Variants in MCTP1 observed in about 807,000 individuals in gnomAD.
The protein encoded by MCTP1 is multiple C2 and transmembrane domain containing 1, also known as multiple C2 and transmembrane domain-containing protein 1.
MCTP1 carries 69 observed loss-of-function variants against 120.6 expected under a neutral mutation model. The observed-to-expected ratio is 0.57, with a 90% confidence interval of 0.47 to 0.70. MCTP1 has a LOEUF of 0.70. Among genes scored for constraint, MCTP1 ranks in the 30% least tolerant of loss-of-function variants. The pLI is 0.00. For missense variants in MCTP1, 1,203 were observed against 1,248.8 expected (o/e 0.96, Z 0.55); for synonymous variants, 529 against 493.1 (o/e 1.07, Z -0.96).
chr5:95,073,092 A>G (rs1752663747), intron 1 of MCTP1, among the ~76,000 whole-genome samples: 1 of 152,132 alleles, frequency 6.6e-6, no homozygotes, highest in South Asian at 2.1e-4. Flanking sequence ...GCTCCTTGTT[A>G]CAGCTCATCA....
intron 11 of MCTP1, among the ~76,000 whole-genome samples, chr5:94,889,681 C>T (rs1442953188): frequency 6.6e-6 from 1 of 151,720 alleles, no homozygotes; most frequent in Non-Finnish European, 1.5e-5. Context: ...GTTGATGCTG[C>T]ATAAGGGGTT....
intron 1 of MCTP1, among the ~76,000 whole-genome samples, chr5:95,075,116 A>G (rs1295699252): frequency 1.3e-5 from 2 of 152,264 alleles, no homozygotes; most frequent in Non-Finnish European, 2.9e-5. Flanking sequence ...CTATTCAGGT[A>G]AAGAAAGAGA....
intron 12 of MCTP1, among the ~76,000 whole-genome samples, chr5:94,875,456 A>G (rs1363880231): frequency 6.6e-6 from 1 of 151,914 alleles, no homozygotes; most frequent in Non-Finnish European, 1.5e-5. Context: ...CTCTGAAAAA[A>G]CTTGGCTTTA....
intron 1 of MCTP1, among the ~76,000 whole-genome samples, chr5:95,098,677 G>A (rs949033133): frequency 1.1e-4 from 16 of 148,976 alleles, no homozygotes; most frequent in Non-Finnish European, 2.2e-4. Context: ...AATCAATATC[G>A]TGAAAATGGC....
At chr5:95,129,194 C>T (rs986477863) in intron 1 of MCTP1, among the ~76,000 whole-genome samples, 1 of 152,208 alleles carries the variant, frequency 6.6e-6, no homozygotes, top group Non-Finnish European at 1.5e-5. Context: ...AGCTCAAGAA[C>T]ATCTCACAGA....
intron 2 of MCTP1, among the ~76,000 whole-genome samples, chr5:95,005,587 T>G (rs756524223): frequency 6.6e-6 from 1 of 151,996 alleles, no homozygotes; most frequent in Non-Finnish European, 1.5e-5. Context: ...TCTCAAGAGA[T>G]CTAGTTGTTT....
At chr5:94,789,437 C>T (rs1310098771) in intron 18 of MCTP1, 1 of 152,230 alleles carries the variant, frequency 6.6e-6, no homozygotes, top group Non-Finnish European at 1.5e-5. Flanking sequence ...TGGTAATACT[C>T]ATCTTCCACC....
chr5:95,280,652 T>C (rs1381849017), intron 1 of MCTP1, among the ~76,000 whole-genome samples: 2 of 148,204 alleles, frequency 1.3e-5, no homozygotes, highest in Admixed American at 6.6e-5. Context: ...AAAGGGATAT[T>C]TTTTTTTCCT....
At chr5:95,277,736 G>C (rs1759967919) in intron 1 of MCTP1, among the ~76,000 whole-genome samples, 1 of 152,150 alleles carries the variant, frequency 6.6e-6, no homozygotes, top group Admixed American at 6.5e-5. Flanking sequence ...AGTGGGATTA[G>C]GAGGATACAA....
chr5:95,136,210 T>C (rs1759433630), intron 1 of MCTP1, among the ~76,000 whole-genome samples: 1 of 152,212 alleles, frequency 6.6e-6, no homozygotes, highest in African/African-American at 2.4e-5. Context: ...GAAGACCCAA[T>C]GAAATATCAC....
At chr5:95,209,025 A>G (rs1752012502) in intron 1 of MCTP1, among the ~76,000 whole-genome samples, 1 of 152,168 alleles carries the variant, frequency 6.6e-6, no homozygotes, top group African/African-American at 2.4e-5. Flanking sequence ...GTATGAAGAC[A>G]CAACATAAAC....
intron 3 of MCTP1, among the ~76,000 whole-genome samples, chr5:94,942,907 T>C (rs1222458907): frequency 2.6e-5 from 4 of 152,136 alleles, no homozygotes; most frequent in Admixed American, 2.0e-4. Flanking sequence ...TAAGGTTAAG[T>C]TAAAATAAAG....
intron 19 of MCTP1, among the ~76,000 whole-genome samples, chr5:94,726,456 G>C (rs889006852): frequency 1.3e-5 from 2 of 152,170 alleles, no homozygotes; most frequent in African/African-American, 4.8e-5. Flanking sequence ...AATAGCACAA[G>C]TTCTGTTGCT....
At chr5:95,058,204 T>A (rs1747940591) in intron 1 of MCTP1, among the ~76,000 whole-genome samples, 1 of 152,262 alleles carries the variant, frequency 6.6e-6, no homozygotes. Context: ...AAATTATTTA[T>A]GATTGATTCT....
rs865915982 is a variant in MCTP1 at position 94,811,463 on chromosome 5, G to C, written c.2437-12331C>G. On this transcript the variant is annotated intron_variant, in intron 17 of 22. Coordinates refer to ENST00000515393, the MANE Select transcript of MCTP1 (RefSeq NM_024717.7). ...AAACAGCCTGACTTTTACAGTAAAA[G>C]GAAAGGCCCTGGGCCAAGACCACTG... 3.9e-5 allele frequency among the ~76,000 whole-genome samples: 6 copies of C among 152,286 alleles called. 1 individual carries two copies. The highest frequency in any genetic ancestry group is 3.4e-3 in the Middle Eastern group (1 of 294).
intron 19 of MCTP1, among the ~76,000 whole-genome samples, chr5:94,742,806 A>AAT (rs1293917031): frequency 6.6e-6 from 1 of 152,192 alleles, no homozygotes; most frequent in Non-Finnish European, 1.5e-5. Flanking sequence ...AAGAAATTTC[A>AAT]ATATATATCT....
At chr5:94,913,084 C>T in intron 8 of MCTP1, 108 bp from the exon 9 acceptor site, 1 of 584,262 alleles carries the variant, frequency 1.7e-6, no homozygotes, top group Non-Finnish European at 2.8e-6. Context: ...AAAGGATCGG[C>T]AATTATAATT....
intron 2 of MCTP1, among the ~76,000 whole-genome samples, chr5:94,993,256 A>T (rs2153620593): frequency 6.6e-6 from 1 of 152,346 alleles, no homozygotes; most frequent in African/African-American, 2.4e-5. Context: ...CACTTTAAAA[A>T]TGTTTAGAGG....
At chr5:95,008,953 C>T (rs911989001) in intron 2 of MCTP1, among the ~76,000 whole-genome samples, 14 of 151,854 alleles carry the variant, frequency 9.2e-5, no homozygotes, top group African/African-American at 3.4e-4. Context: ...TCCATGAACC[C>T]AGGAGTCTGA....
Sources: allele counts gnomAD v4.1 joint callset (sites outside exome capture counted in the v4.1 genomes callset), GRCh38; gene constraint gnomAD v4.1.1; transcripts MANE v1.5; gene names NCBI Gene and HGNC (gene_info 2026-07-23, HGNC 2026-07-21).